YAE1: variants seen among roughly 807,000 people sequenced by gnomAD.
The protein encoded by YAE1 is YAE1 maturation factor of ABCE1, also known as protein YAE1 homolog.
A neutral mutation model predicts 23.0 loss-of-function variants in YAE1; 22 were observed. The observed-to-expected ratio is 0.96, with a 90% CI of 0.68 to 1.37. YAE1 has a LOEUF of 1.37. YAE1 is among the 40% of genes most tolerant of loss of function. The probability of loss-of-function intolerance (pLI) is 0.00; values close to 1 mark genes in which losing one functional copy is unlikely to be tolerated. For missense variants in YAE1, 260 were observed against 262.1 expected (o/e 0.99, Z 0.06); for synonymous variants, 101 against 97.0 (o/e 1.04, Z -0.24).
chr7:39,606,263 C>T (rs1791128413), intron 2 of YAE1, among the ~76,000 whole-genome samples: 1 of 152,044 alleles, frequency 6.6e-6, no homozygotes, highest in Non-Finnish European at 1.5e-5. Context: ...TTTTAAACAA[C>T]AATAAAAGGG....
At chr7:39,594,998 C>T (rs144826393) in intron 2 of YAE1, among the ~76,000 whole-genome samples, 216 of 152,162 alleles carry the variant, frequency 1.4e-3, no homozygotes, top group Middle Eastern at 6.8e-3. Flanking sequence ...TATGATGTTA[C>T]GCTTTGGTTT....
At chr7:39,577,192 G>C (rs1160148827), downstream of YAE1, among the ~76,000 whole-genome samples, 2 of 152,198 alleles carry the variant, frequency 1.3e-5, no homozygotes, top group Non-Finnish European at 2.9e-5. Flanking sequence ...CACCACACCT[G>C]CCTTATGTTT....
chr7:39,594,915 C>T (rs1790954267), intron 2 of YAE1, among the ~76,000 whole-genome samples: 1 of 151,984 alleles, frequency 6.6e-6, no homozygotes, highest in Admixed American at 6.6e-5. Flanking sequence ...TTTTTTTAAC[C>T]AAGAAAAATC....
chr7:39,583,560 A>G (rs754435881), intron 2 of YAE1, among the ~76,000 whole-genome samples: 1 of 152,198 alleles, frequency 6.6e-6, no homozygotes, highest in Non-Finnish European at 1.5e-5. Context: ...TATTTACAGA[A>G]TTTATTTGGT....
chr7:39,605,261 A>G (rs1213906995), intron 2 of YAE1, among the ~76,000 whole-genome samples: 1 of 152,166 alleles, frequency 6.6e-6, no homozygotes, highest in Non-Finnish European at 1.5e-5. Flanking sequence ...ATGAGCTGTG[A>G]TGGTTAATTT....
intron 1 of YAE1, chr7:39,566,776 C>A (rs1296712018): frequency 4.2e-6 from 2 of 480,192 alleles, no homozygotes; most frequent in Non-Finnish European, 7.3e-6. Context: ...AACTGAGGAC[C>A]GACCAAAATT....
At chr7:39,600,756 C>T (rs1211473910) in intron 2 of YAE1, among the ~76,000 whole-genome samples, 3 of 152,024 alleles carry the variant, frequency 2.0e-5, no homozygotes, top group Non-Finnish European at 4.4e-5. Flanking sequence ...GAGAACGCCA[C>T]GTGAAGATGG....
At chr7:39,567,199 A>G (rs1022764407) in intron 1 of YAE1, among the ~76,000 whole-genome samples, 1 of 152,232 alleles carries the variant, frequency 6.6e-6, no homozygotes, top group Non-Finnish European at 1.5e-5. Context: ...TATATTTGCC[A>G]ACCATTAAAT....
chr7:39,601,366 G>A (rs1472385873), intron 2 of YAE1, among the ~76,000 whole-genome samples: 1 of 152,142 alleles, frequency 6.6e-6, no homozygotes, highest in Non-Finnish European at 1.5e-5. Flanking sequence ...CAAAAACATT[G>A]TAAAAGGTTT....
chr7:39,590,547 A>G (rs1790887767), intron 2 of YAE1, among the ~76,000 whole-genome samples: 1 of 152,202 alleles, frequency 6.6e-6, no homozygotes, highest in East Asian at 1.9e-4. Context: ...ATTTAGGGAT[A>G]TTTGCATAAA....
chr7:39,593,514 C>T (rs779616484), intron 2 of YAE1, among the ~76,000 whole-genome samples: 1 of 152,128 alleles, frequency 6.6e-6, no homozygotes, highest in Non-Finnish European at 1.5e-5. Flanking sequence ...TCTCAAGGTG[C>T]TGGGTTTACA....
At chr7:39,567,841 T>C (rs999558871) in intron 1 of YAE1, among the ~76,000 whole-genome samples, 2 of 152,218 alleles carry the variant, frequency 1.3e-5, no homozygotes, top group Non-Finnish European at 2.9e-5. Context: ...AATTGTCTAC[T>C]ACATAATGGT....
At chr7:39,570,120 G>C in intron 1 of YAE1, 1 of 926,738 alleles carries the variant, frequency 1.1e-6, no homozygotes, top group Non-Finnish European at 1.7e-6. Flanking sequence ...TTGCTCTGCC[G>C]CCTGTGGGTC....
chr7:39,609,493 GAC>G (rs1791174982), intron 2 of YAE1: 3 of 1,334,754 alleles, frequency 2.2e-6, no homozygotes, highest in Non-Finnish European at 3.0e-6. Flanking sequence ...TTGTAACAGA[GAC>G]AAATCTTCGT....
At chr7:39,590,795 T>A (rs1473731784) in intron 2 of YAE1, among the ~76,000 whole-genome samples, 1 of 152,152 alleles carries the variant, frequency 6.6e-6, no homozygotes. Context: ...GAATTTTGGA[T>A]TTCAGATTTT....
intron 2 of YAE1, among the ~76,000 whole-genome samples, chr7:39,589,048 G>A (rs1352116430): frequency 1.3e-5 from 2 of 151,976 alleles, no homozygotes; most frequent in African/African-American, 2.4e-5. Context: ...TCTCGAACTC[G>A]TGGCCTCAAG....
At chr7:39,566,668 C>G in intron 1 of YAE1, 121 bp downstream of exon 1, 2 of 1,312,470 alleles carry the variant, frequency 1.5e-6, no homozygotes, top group South Asian at 3.0e-5. Flanking sequence ...CCCTAGGGAC[C>G]CGGTCCGACC....
At chr7:39,610,359 C>G (rs193137812), downstream of YAE1, 83 of 468,170 alleles carry the variant, frequency 1.8e-4, no homozygotes, top group East Asian at 4.5e-3. Context: ...TGTTTGATAT[C>G]ACATTTCAGC....
chr7:39,581,778 A>C (rs908241994), intron 2 of YAE1, among the ~76,000 whole-genome samples: 2 of 152,030 alleles, frequency 1.3e-5, no homozygotes, highest in African/African-American at 4.8e-5. Flanking sequence ...AGGCTGAGGC[A>C]GAAGGATGGC....
Sources: gnomAD v4.1 joint callset for allele counts (sites outside exome capture counted in the v4.1 genomes callset) on GRCh38, gnomAD v4.1.1 for gene constraint, MANE v1.5 for transcripts, NCBI Gene and HGNC (gene_info 2026-07-23, HGNC 2026-07-21) for gene names.